The following ZNF546 variants were observed in gnomAD, a reference collection of about 807,000 sequenced individuals.
The protein encoded by ZNF546 is zinc finger protein 546.
Under a neutral mutation model 76.2 loss-of-function variants are expected in ZNF546, and 60 were observed. The ratio of observed to expected loss-of-function variants is 0.79; its 90% CI spans 0.64 to 0.98. The LOEUF (loss-of-function observed/expected upper bound fraction) is 0.98, where lower values mean the gene tolerates loss of function less well. Ranked by LOEUF, ZNF546 falls within the 50% of genes least tolerant of loss-of-function variation. ZNF546 has a pLI of 0.00. For synonymous variants in ZNF546, 277 were observed against 328.1 expected (o/e 0.84, Z 1.68); for missense variants, 936 against 1,035.6 (o/e 0.90, Z 1.32).
chr19:40,015,334 T>C lies in ZNF546; in HGVS notation c.2064T>C (p.Thr688=). 1 of 1,614,160 alleles carries C rather than the reference T, an allele frequency of 6.2e-7. No individual in the cohort carries two copies. Among genetic ancestry groups the C allele is most frequent in the Non-Finnish European group, 8.5e-7 (1 of 1,180,024 alleles). Residue 688 remains threonine (T), a synonymous_variant, in exon 7 of 7, where the codon ACT becomes ACC. Transcript: ENST00000347077. ...TTACTCAACATCACAGAGGCCATAC[T>C]GGTGAGAAGCCCTACATATGTAATG... is the stretch of plus-strand genomic sequence containing the variant. The part of the protein sequence containing the change: ...YHLTQHHRGH[T]GEKPYICNEC...
intron 2 of ZNF546, 87 bp downstream of exon 2, chr19:39,998,002 G>T (rs1346973451): frequency 6.9e-6 from 2 of 291,818 alleles, no homozygotes; most frequent in Admixed American, 4.6e-5. Context: ...GTCATACGGC[G>T]TGGTACCACA....
rs750599917 is a variant in ZNF546, at chr19:40,007,359, A to G, written c.257A>G (p.Lys86Arg). The change falls in exon 5 of 7, where the codon AAG becomes AGG. Residue 86 changes from lysine to arginine, a missense_variant. Coordinates refer to ENST00000347077, the MANE Select transcript of ZNF546 (RefSeq NM_178544.5). ...CLDAVQRDLY[K>R]DVMLENYSNL... Reference sequence around the variant, plus strand: ...GACGCTGTGCAGAGGGACTTGTACAAGGATGTGATGTTGGAGAACTACAGC... The same window carrying G: ...GACGCTGTGCAGAGGGACTTGTACAGGGATGTGATGTTGGAGAACTACAGC... 1.1e-5 allele frequency: 18 copies of G among 1,605,242 alleles called. No individual in the cohort carries two copies. Among genetic ancestry groups the G allele is most frequent in the Non-Finnish European group, 1.5e-5 (18 of 1,174,948 alleles).
intron 1 of ZNF546, 79 bp from the exon 2 acceptor site, chr19:39,997,782 A>C (rs1272938961): frequency 6.4e-6 from 1 of 156,000 alleles, no homozygotes; most frequent in Non-Finnish European, 1.4e-5. Flanking sequence ...GGGATATTCT[A>C]GGTCGGTCTG....
Position 40,014,900 on chromosome 19 carries a change from C to T in ZNF546, c.1630C>T (p.His544Tyr). ...FRLQGELTRH[H>Y]RIHTCEKPYE... Reference sequence around the variant, plus strand: ...TCTTCAAGGAGAACTTACCCGACATCACAGAATTCATACATGTGAGAAACC... The same window carrying T: ...TCTTCAAGGAGAACTTACCCGACATTACAGAATTCATACATGTGAGAAACC... Residue 544 changes from histidine to tyrosine, a missense_variant, in exon 7 of 7, where the codon CAC (histidine) becomes TAC (tyrosine). Coordinates refer to ENST00000347077, the MANE Select transcript of ZNF546 (RefSeq NM_178544.5). 6.2e-7 allele frequency: 1 copy of T among 1,613,918 alleles called. No homozygotes were observed. The highest frequency in any genetic ancestry group is 8.5e-7 in the Non-Finnish European group (1 of 1,179,920).
chr19:40,004,023 T>A (rs1046280731), intron 3 of ZNF546, among the ~76,000 whole-genome samples: 1,859 of 144,000 alleles, frequency 0.013, 36 homozygotes, highest in East Asian at 0.048. Flanking sequence ...AAAAAATATA[T>A]ATATATAAAT....
chr19:40,014,665 T>C lies in ZNF546; in HGVS notation c.1395T>C (p.Gly465=). Residue 465 remains glycine, a synonymous_variant, in exon 7 of 7, where the codon GGT becomes GGC. Coordinates refer to ENST00000347077, the MANE Select transcript of ZNF546 (RefSeq NM_178544.5). ...ELTRHHRTHT[G]EKPYECKECG... ...CTCGGCATCATAGAACTCATACTGG[T>C]GAGAAACCCTATGAATGTAAGGAAT... 6.2e-7 allele frequency: 1 copy of C among 1,612,562 alleles called. No individual in the cohort carries two copies. Among genetic ancestry groups the C allele is most frequent in the South Asian group, 1.1e-5 (1 of 90,882 alleles).
Position 39,997,074 on chromosome 19 carries a change from C to T in ZNF546, c.-218C>T, listed in dbSNP as rs921126746. ...GCCCCTTGGGCAGTGTTGCCTGGAC[C>T]CCAAGGGCCCTTTACATTGCGTTCT... On this transcript the variant is annotated 5_prime_UTR_variant, in exon 1 of 7. Transcript: ENST00000347077. 6 of 152,278 alleles carry T rather than the reference C, an allele frequency of 3.9e-5. No homozygotes were observed. Among genetic ancestry groups the T allele is most frequent in the Non-Finnish European group, 7.3e-5 (5 of 68,078 alleles). The allele number at this position is 152,278 out of a possible 1,614,324, so 9.4% of individuals were successfully genotyped here. A position where few individuals can be genotyped will look rare whatever the true frequency, so the allele number is the denominator to read the frequency against.
intron 3 of ZNF546, among the ~76,000 whole-genome samples, chr19:40,001,076 A>C (rs1971523310): frequency 6.6e-6 from 1 of 152,082 alleles, no homozygotes; most frequent in East Asian, 1.9e-4. Flanking sequence ...TCAGTTCATA[A>C]TAGGGTTCGC....
chr19:40,005,825 T>G (rs1440116528), intron 3 of ZNF546, among the ~76,000 whole-genome samples: 1 of 152,194 alleles, frequency 6.6e-6, no homozygotes, highest in Non-Finnish European at 1.5e-5. Context: ...TGGATGGAGA[T>G]AAATGCATTG....
At chr19:40,005,975 A>T (rs1316035271) in intron 3 of ZNF546, 121 bp from the exon 4 acceptor site, 11 of 846,414 alleles carry the variant, frequency 1.3e-5, no homozygotes, top group Non-Finnish European at 2.0e-5. Context: ...TCCCCAGTTT[A>T]TATGCGCAGA....
At position 40,016,285 on chromosome 19, in the gene ZNF546, C is replaced by G. The variant is rs891121831; in HGVS notation, c.*504C>G. ...CCTGTAATCCCAGCACTATGGGAGG[C>G]CCAGGTGAGCAGATCACCTGAGGTC... On this transcript the variant is annotated 3_prime_UTR_variant, in exon 7 of 7. Transcript: ENST00000347077. 6.3e-6 allele frequency: 1 copy of G among 158,600 alleles called. No individual in the cohort carries two copies. The highest frequency in any genetic ancestry group is 2.4e-5 in the African/African-American group (1 of 41,456). The allele number at this position is 158,600 out of a possible 1,614,324, so 9.8% of individuals were successfully genotyped here.
chr19:40,014,798 T>G lies in ZNF546; in HGVS notation c.1528T>G (p.Tyr510Asp). The G allele has an allele frequency of 1.2e-6, 2 of 1,613,232 alleles. No homozygotes were observed. The highest frequency in any genetic ancestry group is 2.2e-5 in the South Asian group (2 of 91,064). Residue 510 changes from tyrosine to aspartate, a missense_variant, in exon 7 of 7, where the codon TAT (tyrosine) becomes GAT (aspartate). Coordinates refer to ENST00000347077, the MANE Select transcript of ZNF546 (RefSeq NM_178544.5). ...ATGTGGAAAAACCTTCAGTAGTCGC[T>G]ATCATCTCACTCAACACTACAGAAT... is the stretch of plus-strand genomic sequence containing the variant. The part of the protein sequence containing the change: ...KECGKTFSSR[Y>D]HLTQHYRIHT...
At chr19:39,999,032 C>G (rs909160164) in intron 3 of ZNF546, among the ~76,000 whole-genome samples, 4 of 152,198 alleles carry the variant, frequency 2.6e-5, no homozygotes, top group Non-Finnish European at 4.4e-5. Context: ...CTTGGCCTCC[C>G]AAAGTGCTGG....
At chr19:40,013,421 A>C (rs768042975) in intron 6 of ZNF546, among the ~76,000 whole-genome samples, 15 of 152,148 alleles carry the variant, frequency 9.9e-5, no homozygotes, top group Non-Finnish European at 1.6e-4. Context: ...TTGTGCTGTA[A>C]TAACAGAGCT....
rs534725136 is a variant in ZNF546 at position 40,014,895 on chromosome 19, G to A, written c.1625G>A (p.Arg542Gln). 5.2e-5 allele frequency: 83 copies of A among 1,611,352 alleles called. No homozygotes were observed. The highest frequency in any genetic ancestry group is 1.3e-4 in the East Asian group (6 of 44,680). Residue 542 changes from arginine to glutamine, a missense_variant, in exon 7 of 7, where the codon CGA (arginine) becomes CAA (glutamine). Coordinates refer to ENST00000347077, the MANE Select transcript of ZNF546 (RefSeq NM_178544.5). ...KAFRLQGELT[R>Q]HHRIHTCEKP... ...TTTCGTCTTCAAGGAGAACTTACCC[G>A]ACATCACAGAATTCATACATGTGAG...
chr19:40,003,455 G>A (rs1452736245), intron 3 of ZNF546, among the ~76,000 whole-genome samples: 2 of 152,098 alleles, frequency 1.3e-5, no homozygotes, highest in Admixed American at 6.6e-5. Flanking sequence ...CAAAAACAAA[G>A]TTTTTATTGT....
chr19:40,005,009 C>CTTTTT (rs752081163), intron 3 of ZNF546, among the ~76,000 whole-genome samples: 3 of 86,842 alleles, frequency 3.5e-5, no homozygotes, highest in Non-Finnish European at 4.3e-5. Context: ...CTGCATGCAT[C>CTTTTT]TTTTTTTTTT....
At position 40,015,468 on chromosome 19, in the gene ZNF546, G is replaced by A. The variant is rs201146765; in HGVS notation, c.2198G>A (p.Arg733Gln). The A allele has an allele frequency of 2.1e-4, 334 of 1,613,948 alleles. No homozygotes were observed. The highest frequency in any genetic ancestry group is 2.6e-4 in the Non-Finnish European group (310 of 1,179,988). The change falls in exon 7 of 7, where the codon CGG becomes CAG. Residue 733 changes from arginine to glutamine, a missense_variant. Physicochemically the swap from Arg to Gln is conservative, Grantham distance 43. Coordinates refer to ENST00000347077, the MANE Select transcript of ZNF546 (RefSeq NM_178544.5). ...GAATGTGGAAAGACCTTTAGTCGTCGGTATCATCTTACTCAACATTTTAGA... is the reference window on the plus strand; with the variant it reads ...GAATGTGGAAAGACCTTTAGTCGTCAGTATCATCTTACTCAACATTTTAGA... ...CKECGKTFSR[R>Q]YHLTQHFRLH...
rs1438794317 is a variant in ZNF546 at position 40,018,680 on chromosome 19, A to G, written c.*2899A>G. The G allele has an allele frequency of 6.6e-6, 1 of 152,264 alleles. No homozygotes were observed. Among genetic ancestry groups the G allele is most frequent in the Non-Finnish European group, 1.5e-5 (1 of 68,062 alleles). The allele number at this position is 152,264 out of a possible 1,614,324, so 9.4% of individuals were successfully genotyped here. A position where few individuals can be genotyped will look rare whatever the true frequency, so the allele number is the denominator to read the frequency against. Reference sequence around the variant, plus strand: ...AGGCAATACAGCTTCTGCCTGACCCACTTGGGATGAAGCCCAGCCACCATG... The same window carrying G: ...AGGCAATACAGCTTCTGCCTGACCCGCTTGGGATGAAGCCCAGCCACCATG... On this transcript the variant is annotated 3_prime_UTR_variant, in exon 7 of 7. Transcript: ENST00000347077.
Sources: gnomAD v4.1 joint callset for allele counts (sites outside exome capture counted in the v4.1 genomes callset) on GRCh38, gnomAD v4.1.1 for gene constraint, MANE v1.5 for transcripts, NCBI Gene and HGNC (gene_info 2026-07-23, HGNC 2026-07-21) for gene names.